The following FBXO47 variants were observed in gnomAD, a reference collection of about 807,000 sequenced individuals.
The protein encoded by FBXO47 is F-box only protein 47.
Under a neutral mutation model 53.9 loss-of-function variants are expected in FBXO47, and 34 were observed. The ratio of observed to expected loss-of-function variants is 0.63; its 90% CI spans 0.48 to 0.84. The LOEUF (loss-of-function observed/expected upper bound fraction) is 0.84. FBXO47 is among the 40% of genes least tolerant of loss of function. The pLI is 0.00. For synonymous variants in FBXO47, 165 were observed against 181.6 expected (o/e 0.91, Z 0.73); for missense variants, 485 against 541.3 (o/e 0.90, Z 1.03).
chr17:38,939,652 C>CTTTTTT (rs970784178), intron 9 of FBXO47, among the ~76,000 whole-genome samples: 7 of 91,110 alleles, frequency 7.7e-5, no homozygotes, highest in Non-Finnish European at 1.3e-4. Flanking sequence ...TAAAAGGTTT[C>CTTTTTT]TTTTTTTTTT....
At chr17:38,965,784 G>C (rs1906081722) in intron 1 of FBXO47, among the ~76,000 whole-genome samples, 1 of 149,010 alleles carries the variant, frequency 6.7e-6, no homozygotes, top group Non-Finnish European at 1.5e-5. Context: ...TCTGGAGGCT[G>C]AGGCAGGAGA....
chr17:38,951,959 G>A (rs578074149), intron 5 of FBXO47, among the ~76,000 whole-genome samples: 2 of 152,240 alleles, frequency 1.3e-5, no homozygotes, highest in South Asian at 4.1e-4. Flanking sequence ...CCTGGGAGGT[G>A]GAGGTTGCAG....
intron 5 of FBXO47, among the ~76,000 whole-genome samples, chr17:38,953,331 A>G (rs1411373077): frequency 6.6e-6 from 1 of 151,220 alleles, no homozygotes; most frequent in Admixed American, 6.6e-5. Flanking sequence ...AAAAAGAAAA[A>G]AAAATTAATC....
chr17:38,944,848 A>AGGTGTGTGTGTGTGTGTG, intron 7 of FBXO47, 112 bp downstream of exon 7: 3 of 615,520 alleles, frequency 4.9e-6, no homozygotes, highest in Non-Finnish European at 8.1e-6. Context: ...GCGTGCATGC[A>AGGTGTGTGTGTGTGTGTG]TGTGTGTGTG....
chr17:38,950,179 C>T (rs750159826), intron 6 of FBXO47, among the ~76,000 whole-genome samples: 1 of 151,882 alleles, frequency 6.6e-6, no homozygotes, highest in Non-Finnish European at 1.5e-5. Flanking sequence ...CTCCCCACTC[C>T]CCCCTCCCCT....
At chr17:38,946,873 CATATATATAAATAT>C (rs1464257055) in intron 6 of FBXO47, among the ~76,000 whole-genome samples, 2 of 87,034 alleles carry the variant, frequency 2.3e-5, no homozygotes. Flanking sequence ...AATATATAAA[CATATATATAAATAT>C]ATATATAAAC....
chr17:38,946,335 T>C (rs1478966361), intron 6 of FBXO47, among the ~76,000 whole-genome samples: 1 of 91,076 alleles, frequency 1.1e-5, no homozygotes, highest in Non-Finnish European at 1.8e-5. Context: ...AATATATAAA[T>C]ATATATAAAT....
At chr17:38,941,237 T>C (rs1034777369) in intron 9 of FBXO47, among the ~76,000 whole-genome samples, 7 of 151,874 alleles carry the variant, frequency 4.6e-5, no homozygotes, top group Non-Finnish European at 8.8e-5. Context: ...AGTGGCATGA[T>C]CTGCTCACTG....
intron 3 of FBXO47, among the ~76,000 whole-genome samples, chr17:38,961,514 A>G (rs1057208541): frequency 3.3e-5 from 5 of 152,246 alleles, no homozygotes; most frequent in African/African-American, 4.8e-5. Context: ...TTTCTATTTT[A>G]AAGGACTAGA....
intron 7 of FBXO47, among the ~76,000 whole-genome samples, chr17:38,944,469 G>A (rs1328183174): frequency 4.6e-5 from 7 of 151,812 alleles, no homozygotes; most frequent in Non-Finnish European, 7.4e-5. Flanking sequence ...TTGGAAGGCC[G>A]AGGTGGGAAG....
Position 38,943,468 on chromosome 17 carries a change from A to G in FBXO47, c.940+122T>C, listed in dbSNP as rs1904600221. The G allele has an allele frequency of 5.2e-6, 3 of 572,464 alleles. No homozygotes were observed. The East Asian group carries it at 1.0e-4, about 19-fold the overall frequency. 35.5% of individuals were successfully genotyped at this position (572,464 alleles called of 1,614,324 possible). A position where few individuals can be genotyped will look rare whatever the true frequency, so the allele number is the denominator to read the frequency against. ...TAATGCCAAACTCTTTAAATATTTT[A>G]GAGCATTCAGTGATTTCCAACAGGC... On this transcript the variant is annotated intron_variant, in intron 8 of 10. Coordinates refer to ENST00000378079, the MANE Select transcript of FBXO47 (RefSeq NM_001008777.3).
chr17:38,959,782 A>C (rs1436121454), intron 3 of FBXO47, among the ~76,000 whole-genome samples: 1 of 151,802 alleles, frequency 6.6e-6, no homozygotes, highest in Non-Finnish European at 1.5e-5. Flanking sequence ...AGTAGCTGGG[A>C]CAACAGGTTT....
At chr17:38,953,146 CACACACACACACACACACACAA>C (rs1335968653) in intron 5 of FBXO47, among the ~76,000 whole-genome samples, 1 of 147,938 alleles carries the variant, frequency 6.8e-6, no homozygotes, top group African/African-American at 2.5e-5. Flanking sequence ...CACACACACA[CACACACACACACACACACACAA>C]AATAGCTAGG....
intron 3 of FBXO47, among the ~76,000 whole-genome samples, chr17:38,960,213 C>T (rs939289437): frequency 1.3e-5 from 2 of 151,194 alleles, no homozygotes; most frequent in Admixed American, 1.3e-4. Flanking sequence ...GCAGGAGGAT[C>T]GATTGTGCCC....
At chr17:38,945,222 T>G in intron 6 of FBXO47, 86 bp from the exon 7 acceptor site, 1 of 938,648 alleles carries the variant, frequency 1.1e-6, no homozygotes, top group Non-Finnish European at 1.7e-6. Context: ...TTATTAATCA[T>G]TATGGTTAGT....
At chr17:38,958,827 T>A (rs1232550974) in intron 3 of FBXO47, among the ~76,000 whole-genome samples, 3 of 152,190 alleles carry the variant, frequency 2.0e-5, no homozygotes, top group Non-Finnish European at 4.4e-5. Context: ...CCCTCTTTAT[T>A]TTTGTATATA....
At position 38,962,952 on chromosome 17, in the gene FBXO47, C is replaced by T; in HGVS notation, c.74G>A (p.Ser25Asn). The change falls in exon 2 of 11, where the codon AGC (serine) becomes AAC (asparagine). Residue 25 changes from serine (S) to asparagine (N), a missense_variant. Transcript: ENST00000378079. ...QKLRRSNRQT[S>N]CYSKTLGSGF... ...TGAGCCAAGGGTCTTGGAATAACAG[C>T]TGGTTTGACGATTACTACGTCTAAG... 2 of 1,613,316 alleles carry T rather than the reference C, an allele frequency of 1.2e-6. No individual in the cohort carries two copies. Among genetic ancestry groups the T allele is most frequent in the Non-Finnish European group, 1.7e-6 (2 of 1,179,486 alleles).
At position 38,963,038 on chromosome 17, in the gene FBXO47, C is replaced by G. The variant is rs1905898262; in HGVS notation, c.-13G>C. 6.3e-7 allele frequency: 1 copy of G among 1,598,514 alleles called. No individual in the cohort carries two copies. The highest frequency in any genetic ancestry group is 8.6e-7 in the Non-Finnish European group (1 of 1,168,430). The stretch of plus-strand genomic sequence containing the variant: ...TTCTGGATGCCATTCTTCTTCTTGT[C>G]TCACAAATTTATCCTGGTCAGAAAA... On this transcript the variant is annotated 5_prime_UTR_variant, in exon 2 of 11. Transcript: ENST00000378079.
chr17:38,940,978 C>CT (rs1904476822), intron 9 of FBXO47, among the ~76,000 whole-genome samples: 2 of 151,582 alleles, frequency 1.3e-5, no homozygotes, highest in Non-Finnish European at 2.9e-5. Flanking sequence ...TGCACTCAGC[C>CT]TTTTATTTAA....
Sources: gnomAD v4.1 joint callset for allele counts (sites outside exome capture counted in the v4.1 genomes callset) on GRCh38, gnomAD v4.1.1 for gene constraint, MANE v1.5 for transcripts, NCBI Gene and HGNC (gene_info 2026-07-23, HGNC 2026-07-21) for gene names.